BCLAF1: variants seen among roughly 807,000 people sequenced by gnomAD.
BCLAF1 encodes the protein bcl-2-associated transcription factor 1.
BCLAF1 carries 10 observed loss-of-function variants against 99.5 expected under a neutral mutation model. That is an observed-to-expected ratio of 0.10 (90% CI 0.06 to 0.17). The LOEUF is 0.17. BCLAF1 is among the 10% of genes least tolerant of loss of function. The pLI, the probability that BCLAF1 is intolerant of heterozygous loss-of-function variation, is 1.00. For synonymous variants in BCLAF1, 255 were observed against 370.9 expected, an observed-to-expected ratio of 0.69 and a Z score of 3.59; for missense variants, 636 against 1,105.8, an observed-to-expected ratio of 0.58 and a Z score of 6.02.
intron 1 of BCLAF1, among the ~76,000 whole-genome samples, chr6:136,284,109 CATAT>C (rs200877081): frequency 8.8e-6 from 1 of 113,014 alleles, no homozygotes; most frequent in African/African-American, 4.4e-5. Flanking sequence ...TATATATATA[CATAT>C]ATATGTGTGT....
chr6:136,281,439 A>G (rs1784372809), intron 2 of BCLAF1, among the ~76,000 whole-genome samples: 1 of 152,200 alleles, frequency 6.6e-6, no homozygotes, highest in African/African-American at 2.4e-5. Flanking sequence ...GCCACGGGGA[A>G]CTGTGACATT....
rs546422732 is a variant in BCLAF1, at chr6:136,266,283, T to C, written c.2544+746A>G. ...ATCTTCCTCCATGGAAGGAACTAGT[T>C]TTCAGAACTAGTCTCTGAAGCATAA... On this transcript the variant is annotated intron_variant, in intron 11 of 12. Transcript: ENST00000531224. 5.3e-5 allele frequency among the ~76,000 whole-genome samples: 8 copies of C among 152,226 alleles called. No individual in the cohort carries two copies. The South Asian group carries it at 1.0e-3, about 20-fold the overall frequency.
intron 8 of BCLAF1, among the ~76,000 whole-genome samples, chr6:136,270,738 G>A (rs1023948134): frequency 2.6e-5 from 4 of 151,754 alleles, no homozygotes; most frequent in South Asian, 2.1e-4. Context: ...AAAACCAATG[G>A]CATATCCTCT....
rs1275554046 is a variant in BCLAF1, at chr6:136,257,467, A to T, written c.*3643T>A. 4 of 152,192 alleles carry T rather than the reference A, an allele frequency of 2.6e-5. No individual in the cohort carries two copies. Among genetic ancestry groups the T allele is most frequent in the African/African-American group, 9.6e-5 (4 of 41,460 alleles). The allele number at this position is 152,192 out of a possible 1,614,324, so 9.4% of individuals were successfully genotyped here. ...CTAAAACAATAGGAGTCCAGCTCAT[A>T]AATCAACACAATCTCTGTGGCTCTC... On this transcript the variant is annotated 3_prime_UTR_variant, in exon 13 of 13. Transcript: ENST00000531224.
intron 10 of BCLAF1, 67 bp from the exon 11 acceptor site, chr6:136,267,242 A>T: frequency 6.6e-7 from 1 of 1,514,948 alleles, no homozygotes; most frequent in East Asian, 2.3e-5. Context: ...GCAAATTCTA[A>T]TTTTACTGCA....
intron 10 of BCLAF1, among the ~76,000 whole-genome samples, chr6:136,267,484 G>C (rs1254785262): frequency 6.6e-6 from 1 of 151,668 alleles, no homozygotes; most frequent in African/African-American, 2.4e-5. Flanking sequence ...TAATTTCTTT[G>C]AATTATCATA....
At chr6:136,270,858 G>C (rs971977167) in intron 8 of BCLAF1, among the ~76,000 whole-genome samples, 3 of 151,484 alleles carry the variant, frequency 2.0e-5, no homozygotes, top group Non-Finnish European at 4.4e-5. Flanking sequence ...CTAAACTGTT[G>C]GGAAAACTAA....
chr6:136,271,439 C>T (rs1350974921), intron 8 of BCLAF1, among the ~76,000 whole-genome samples: 5 of 151,878 alleles, frequency 3.3e-5, no homozygotes, highest in Non-Finnish European at 7.4e-5. Context: ...CCCTCAATAT[C>T]TTTCACAGGC....
Position 136,282,698 on chromosome 6 carries a change from CAAAA to C in BCLAF1, c.-114-15_-114-12del, listed in dbSNP as rs1784539914. On this transcript the variant is annotated splice_polypyrimidine_tract_variant and intron_variant, in intron 1 of 12. Coordinates refer to ENST00000531224, the MANE Select transcript of BCLAF1 (RefSeq NM_014739.3). ...TCTAAATTCGAATTCCTAGCAAAGA[CAAAA>C]AAACCATTATTGTGATTTATGTTAA... 1 of 151,876 alleles carries C rather than the reference CAAAA, an allele frequency of 6.6e-6. No homozygotes were observed. The highest frequency in any genetic ancestry group is 6.6e-5 in the Admixed American group (1 of 15,264). The allele number at this position is 151,876 out of a possible 1,614,324, so 9.4% of individuals were successfully genotyped here. A position where few individuals can be genotyped will look rare whatever the true frequency, so the allele number is the denominator to read the frequency against.
intron 3 of BCLAF1, 167 bp downstream of exon 3, chr6:136,279,596 C>A: frequency 1.5e-6 from 1 of 684,298 alleles, no homozygotes; most frequent in Non-Finnish European, 2.0e-6. Flanking sequence ...AGCTTGTTAC[C>A]TGGACATTCT....
At chr6:136,280,533 TAAG>T (rs1288183004) in intron 2 of BCLAF1, among the ~76,000 whole-genome samples, 2 of 152,218 alleles carry the variant, frequency 1.3e-5, no homozygotes, top group African/African-American at 4.8e-5. Flanking sequence ...AGCTTTCTGT[TAAG>T]AAGATTTAAA....
chr6:136,261,529 T>C, intron 11 of BCLAF1, 52 bp from the exon 12 acceptor site: 1 of 1,531,192 alleles, frequency 6.5e-7, no homozygotes, highest in Non-Finnish European at 9.0e-7. Context: ...GTAAAGATGA[T>C]CATTTCTCCA....
chr6:136,273,389 C>A, intron 6 of BCLAF1: 1 of 512,890 alleles, frequency 1.9e-6, no homozygotes, highest in South Asian at 2.4e-5. Context: ...CTCACAGGTC[C>A]CTGTCAATAC....
intron 8 of BCLAF1, among the ~76,000 whole-genome samples, chr6:136,271,617 C>T (rs1782538138): frequency 6.6e-6 from 1 of 151,834 alleles, no homozygotes; most frequent in African/African-American, 2.4e-5. Flanking sequence ...CTGTGAAGAA[C>T]CTAGAGATAT....
intron 1 of BCLAF1, among the ~76,000 whole-genome samples, chr6:136,284,498 G>A (rs891088151): frequency 6.6e-6 from 1 of 152,078 alleles, no homozygotes; most frequent in Admixed American, 6.6e-5. Flanking sequence ...ACCAAATCGA[G>A]AACAGTTATC....
rs756670994 is a variant in BCLAF1, at chr6:136,274,335, A to AT, written c.1853-1149dup. 16 of 289,780 alleles carry AT rather than the reference A, an allele frequency of 5.5e-5. No individual in the cohort carries two copies. In the East Asian group the frequency reaches 1.2e-3, roughly 21 times the overall value. 18.0% of individuals were successfully genotyped at this position (289,780 alleles called of 1,614,324 possible). A position where few individuals can be genotyped will look rare whatever the true frequency, so the allele number is the denominator to read the frequency against. ...AAAAAGAAAAAAGAAAAAGGAAAAA[A>AT]TTTATCAAAACCTGATCTCAAAATT... On this transcript the variant is annotated intron_variant, in intron 6 of 12. Transcript: ENST00000531224.
Position 136,277,968 on chromosome 6 carries a change from T to C in BCLAF1, c.913A>G (p.Ile305Val), listed in dbSNP as rs371006495. 100 of 1,607,742 alleles carry C rather than the reference T, an allele frequency of 6.2e-5. No homozygotes were observed. The highest frequency in any genetic ancestry group is 1.8e-4 in the Middle Eastern group (1 of 5,690). The part of the protein sequence containing the change: ...IPSRRSPAKT[I>V]APQNAPRDES... ...TCTCTTGGAGCATTCTGTGGTGCGATTGTCTTTGCAGGACTTCTTCGTGAA... is the reference window on the plus strand; with the variant it reads ...TCTCTTGGAGCATTCTGTGGTGCGACTGTCTTTGCAGGACTTCTTCGTGAA... Residue 305 changes from isoleucine to valine, a missense_variant, in exon 4 of 13, where the codon ATC (isoleucine) becomes GTC (valine). This residue lies in a region of BCLAF1 where 186 missense variants were observed against 275.3 expected (regional missense o/e 0.68). Transcript: ENST00000531224.
At chr6:136,261,799 C>T (rs1467333726) in intron 11 of BCLAF1, among the ~76,000 whole-genome samples, 1 of 151,978 alleles carries the variant, frequency 6.6e-6, no homozygotes, top group Non-Finnish European at 1.5e-5. Context: ...AATCCAAGTC[C>T]ACTTATTATT....
chr6:136,279,394 A>C (rs1784058905), intron 3 of BCLAF1: 1 of 155,430 alleles, frequency 6.4e-6, no homozygotes, highest in South Asian at 2.1e-4. Flanking sequence ...TTAGAATTCA[A>C]AGATTCACAG....
Sources: gnomAD v4.1 joint callset for allele counts (sites outside exome capture counted in the v4.1 genomes callset) on GRCh38, gnomAD v4.1.1 for gene constraint, gnomAD v4.1.1 regional missense constraint, MANE v1.5 for transcripts, NCBI Gene and HGNC (gene_info 2026-07-23, HGNC 2026-07-21) for gene names.